Variants in CEP104 observed in about 807,000 individuals in gnomAD.
CEP104 encodes centrosomal protein of 104 kDa.
A neutral mutation model predicts 113.3 loss-of-function variants in CEP104; 84 were observed. That is an observed-to-expected ratio of 0.74 (90% confidence interval 0.62 to 0.89). The LOEUF (loss-of-function observed/expected upper bound fraction) is 0.89, where lower values mean the gene tolerates loss of function less well. CEP104 is among the 40% of genes least tolerant of loss of function. The pLI is 0.00. For missense variants in CEP104, 1,053 were observed against 1,156.6 expected, an observed-to-expected ratio of 0.91 and a Z score of 1.30; for synonymous variants, 378 against 421.7, an observed-to-expected ratio of 0.90 and a Z score of 1.27.
Position 3,844,652 on chromosome 1 carries a change from T to C in CEP104, c.566+255A>G, listed in dbSNP as rs569067785. On this transcript the variant is annotated intron_variant, in intron 6 of 21. Transcript: ENST00000378230. Reference sequence around the variant, plus strand: ...GGTAGAAGTTATAGTGAGCCGAGATTGTGCCATTACACTCCGGCCTGGGCA... The same window carrying C: ...GGTAGAAGTTATAGTGAGCCGAGATCGTGCCATTACACTCCGGCCTGGGCA... 3.0e-5 allele frequency among the ~76,000 whole-genome samples: 4 copies of C among 134,146 alleles called. No homozygotes were observed. In the South Asian group the frequency reaches 9.2e-4, roughly 31 times the overall value. The allele number at this position is 134,146 out of a possible 152,430, so 88.0% of individuals were successfully genotyped here. A position where few individuals can be genotyped will look rare whatever the true frequency, so the allele number is the denominator to read the frequency against.
intron 6 of CEP104, among the ~76,000 whole-genome samples, chr1:3,841,821 A>G (rs191712372): frequency 1.3e-3 from 204 of 152,346 alleles, no homozygotes; most frequent in African/African-American, 4.7e-3. Flanking sequence ...AAAATAACAG[A>G]AAGAAGCTTT....
At position 3,815,334 on chromosome 1, in the gene CEP104, G is replaced by A; in HGVS notation, c.*68C>T. The A allele has an allele frequency of 1.6e-6, 2 of 1,222,392 alleles. No homozygotes were observed. Among genetic ancestry groups the A allele is most frequent in the Non-Finnish European group, 2.3e-6 (2 of 856,432 alleles). The allele number at this position is 1,222,392 out of a possible 1,614,324, so 75.7% of individuals were successfully genotyped here. ...GGGGCCACCAAGGCCAGAGAGTTCTGGAGAGATGGTGTAGAATCAGGAGAC... is the reference window on the plus strand; with the variant it reads ...GGGGCCACCAAGGCCAGAGAGTTCTAGAGAGATGGTGTAGAATCAGGAGAC... On this transcript the variant is annotated 3_prime_UTR_variant, in exon 22 of 22. Transcript: ENST00000378230.
At chr1:3,839,223 GGAGT>G in intron 7 of CEP104, 104 bp from the exon 8 acceptor site, 2 of 1,019,448 alleles carry the variant, frequency 2.0e-6, no homozygotes, top group Admixed American at 1.8e-5. Flanking sequence ...GCAAGGAGAG[GGAGT>G]GAGCACAGGG....
At chr1:3,838,785 T>C (rs1644360879) in intron 8 of CEP104, among the ~76,000 whole-genome samples, 179 bp downstream of exon 8, 1 of 152,214 alleles carries the variant, frequency 6.6e-6, no homozygotes, top group African/African-American at 2.4e-5. Flanking sequence ...TGAAAGAACA[T>C]GCTGAGGCAA....
Position 3,823,593 on chromosome 1 carries a change from T to C in CEP104, c.2365-31A>G. ...TTTCGAAATACAGAGCAAAGCATGTTGCTGAGAAAGCGGCAGCGCCCTCCA... is the reference window on the plus strand; with the variant it reads ...TTTCGAAATACAGAGCAAAGCATGTCGCTGAGAAAGCGGCAGCGCCCTCCA... On this transcript the variant is annotated intron_variant, in intron 18 of 21. Transcript: ENST00000378230. The surrounding 1 kb of genome is among the most constrained non-coding windows in gnomAD (Gnocchi z 4.1). The C allele has an allele frequency of 6.2e-7, 1 of 1,613,920 alleles. No individual in the cohort carries two copies. The highest frequency in any genetic ancestry group is 8.5e-7 in the Non-Finnish European group (1 of 1,179,882).
chr1:3,829,093 C>T (rs1644148306), intron 15 of CEP104, among the ~76,000 whole-genome samples, 173 bp downstream of exon 15: 2 of 152,210 alleles, frequency 1.3e-5, no homozygotes, highest in African/African-American at 2.4e-5. Flanking sequence ...CCAATTCCAC[C>T]TCTCCATGGA....
chr1:3,820,772 A>G (rs1643957277), intron 20 of CEP104, among the ~76,000 whole-genome samples: 1 of 152,130 alleles, frequency 6.6e-6, no homozygotes, highest in Admixed American at 6.6e-5. Flanking sequence ...CTGGGAACAG[A>G]TCTAATTTCC....
In CEP104 at chr1:3,819,880, C is replaced by T. The variant is rs754943349; in HGVS notation, c.2571+3294G>A. On this transcript the variant is annotated intron_variant, in intron 20 of 21. Coordinates refer to ENST00000378230, the MANE Select transcript of CEP104 (RefSeq NM_014704.4). This position sits in a 1 kb window ranked among gnomAD's most constrained non-coding sequence, Gnocchi z 4.6. ...AGTGAGCTGCCAGCAGAGAGGCCCC[C>T]GGTGCTGACGGTGGGGGCCTCTAGG... Among the ~76,000 whole-genome samples, 8 of 152,184 alleles carry T rather than the reference C, an allele frequency of 5.3e-5. No homozygotes were observed. The highest frequency in any genetic ancestry group is 2.1e-4 in the South Asian group (1 of 4,828).
chr1:3,848,794 A>C lies in CEP104; in HGVS notation c.114-13T>G, dbSNP rs759573735. ...AAACTGGCAAAATCTGAAAGCAAAC[A>C]CATTTTTATATTTTCTGAACAACTT... On this transcript the variant is annotated splice_polypyrimidine_tract_variant and intron_variant, in intron 2 of 21. Transcript: ENST00000378230. 6.2e-6 allele frequency: 10 copies of C among 1,602,740 alleles called. No homozygotes were observed. In the African/African-American group the frequency reaches 1.3e-4, roughly 22 times the overall value.
At chr1:3,837,237 G>A in intron 9 of CEP104, 55 bp downstream of exon 9, 2 of 1,431,610 alleles carry the variant, frequency 1.4e-6, no homozygotes, top group South Asian at 1.2e-5. Flanking sequence ...CACAACACAT[G>A]TCCTTTACAA....
chr1:3,835,087 A>G lies in CEP104; in HGVS notation c.1323T>C (p.Ala441=), dbSNP rs1230233833. The change falls in exon 11 of 22, where the codon GCT becomes GCC. Residue 441 remains alanine, a synonymous_variant. Coordinates refer to ENST00000378230, the MANE Select transcript of CEP104 (RefSeq NM_014704.4). ...AGGACCACGTCTTACAATAGGCCTC[A>G]GCAACCTACCACAAAACAGGCAGCA... The part of the protein sequence containing the change: ...AIDVLGETLV[A]EAYCKTWSYR... 1 of 1,612,162 alleles carries G rather than the reference A, an allele frequency of 6.2e-7. No homozygotes were observed. Among genetic ancestry groups the G allele is most frequent in the Non-Finnish European group, 8.5e-7 (1 of 1,179,014 alleles).
intron 6 of CEP104, among the ~76,000 whole-genome samples, chr1:3,841,451 T>C (rs997170343): frequency 2.6e-5 from 4 of 152,182 alleles, no homozygotes; most frequent in Non-Finnish European, 4.4e-5. Context: ...TAACTATTTT[T>C]AGTGTAACAC....
At position 3,814,283 on chromosome 1, in the gene CEP104, C is replaced by T. The variant is rs1226393644; in HGVS notation, c.*1119G>A. 6.6e-6 allele frequency: 1 copy of T among 152,248 alleles called. No individual in the cohort carries two copies. Among genetic ancestry groups the T allele is most frequent in the African/African-American group, 2.4e-5 (1 of 41,456 alleles). 9.4% of individuals were successfully genotyped at this position (152,248 alleles called of 1,614,324 possible). ...GAGGGTGGATGCTTCCAGACAGACC[C>T]TGACTCCCTCCACATGGCTGCCTGG... On this transcript the variant is annotated 3_prime_UTR_variant, in exon 22 of 22. Coordinates refer to ENST00000378230, the MANE Select transcript of CEP104 (RefSeq NM_014704.4).
intron 3 of CEP104, among the ~76,000 whole-genome samples, chr1:3,848,348 T>C (rs1211915628): frequency 6.6e-6 from 1 of 151,870 alleles, no homozygotes; most frequent in South Asian, 2.1e-4. Context: ...CTGGCTAACA[T>C]GGTGAAACCC....
chr1:3,824,341 C>T (rs544706593), intron 18 of CEP104, among the ~76,000 whole-genome samples: 206 of 152,328 alleles, frequency 1.4e-3, no homozygotes, highest in African/African-American at 4.8e-3. Flanking sequence ...CCGCCTCAGC[C>T]TCCCCAAGTG....
intron 3 of CEP104, 184 bp from the exon 4 acceptor site, chr1:3,847,797 A>C: frequency 1.7e-6 from 1 of 577,450 alleles, no homozygotes; most frequent in Non-Finnish European, 3.0e-6. Context: ...CCTAGGAAAA[A>C]CCCCTAGAAC....
At chr1:3,847,730 G>C in intron 3 of CEP104, 117 bp from the exon 4 acceptor site, 2 of 1,072,562 alleles carry the variant, frequency 1.9e-6, no homozygotes, top group Non-Finnish European at 2.8e-6. Flanking sequence ...TTTAAAGCTA[G>C]ACTACCCCTA....
intron 11 of CEP104, among the ~76,000 whole-genome samples, chr1:3,834,305 A>G: frequency 7.5e-6 from 1 of 134,226 alleles, no homozygotes; most frequent in Non-Finnish European, 1.7e-5. Context: ...GGTAAGCCCA[A>G]ATCTTCCCTT....
At position 3,837,479 on chromosome 1, in the gene CEP104, C is replaced by A. The variant is rs140022279; in HGVS notation, c.932G>T (p.Arg311Leu). 2.5e-6 allele frequency: 4 copies of A among 1,614,216 alleles called. No homozygotes were observed. The highest frequency in any genetic ancestry group is 3.4e-6 in the Non-Finnish European group (4 of 1,180,036). The change falls in exon 9 of 22, where the codon CGT (arginine) becomes CTT (leucine). Residue 311 changes from arginine (R) to leucine (L), a missense_variant. Arg to Leu is a moderately radical substitution (Grantham distance 102). Transcript: ENST00000378230. ...CTTTTGGTGGCAAGGACTGCCAGAACGAGCGAGGGGCTGGAGGGGCAAATC... is the reference window on the plus strand; with the variant it reads ...CTTTTGGTGGCAAGGACTGCCAGAAAGAGCGAGGGGCTGGAGGGGCAAATC... ...PFDLPLQPLA[R>L]SGSPCHQKPM... is the part of the protein sequence containing the mutation.
Sources: allele counts gnomAD v4.1 joint callset (sites outside exome capture counted in the v4.1 genomes callset), GRCh38; gene constraint gnomAD v4.1.1; non-coding constraint Gnocchi (gnomAD v3.1); transcripts MANE v1.5; gene names NCBI Gene and HGNC (gene_info 2026-07-23, HGNC 2026-07-21).